Variants in IDH3B observed in about 807,000 individuals in gnomAD.
IDH3B encodes isocitrate dehydrogenase [NAD] subunit beta, mitochondrial.
A neutral mutation model predicts 47.5 loss-of-function variants in IDH3B; 40 were observed. The ratio of observed to expected loss-of-function variants is 0.84; its 90% CI spans 0.65 to 1.10. IDH3B has a LOEUF of 1.10. IDH3B is among the 50% of genes least tolerant of loss of function. The probability of loss-of-function intolerance (pLI) is 0.00; values close to 1 mark genes in which losing one functional copy is unlikely to be tolerated. For missense variants in IDH3B, 450 were observed against 505.2 expected, an observed-to-expected ratio of 0.89 and a Z score of 1.05; for synonymous variants, 185 against 191.0, an observed-to-expected ratio of 0.97 and a Z score of 0.26.
chr20:2,659,527 T>C lies in IDH3B; in HGVS notation c.1069A>G (p.Lys357Glu), dbSNP rs761374122. The change falls in exon 11 of 12, where the codon AAG (lysine) becomes GAG (glutamate). Residue 357 changes from lysine (K) to glutamate (E), a missense_variant and splice_region_variant. By Grantham distance (56) the Lys-to-Glu change is moderately conservative. Transcript: ENST00000380843. ...DAVKKVIKVG[K>E]VRTRDMGGYS... ...CAGCACTACTCTTCTCAACTCACCT[T>C]GCCAACTTTGATCACCTTCTTCACC... 6.2e-7 allele frequency: 1 copy of C among 1,614,140 alleles called. No individual in the cohort carries two copies. Among genetic ancestry groups the C allele is most frequent in the South Asian group, 1.1e-5 (1 of 91,088 alleles).
intron 4 of IDH3B, 76 bp from the exon 5 acceptor site, chr20:2,661,045 C>G: frequency 8.1e-7 from 1 of 1,241,710 alleles, no homozygotes; most frequent in South Asian, 1.2e-5. Context: ...GTCTAACCCC[C>G]TTAGGAACAT....
Position 2,660,557 on chromosome 20 carries a change from C to G in IDH3B, c.565G>C (p.Val189Leu). The change falls in exon 7 of 12, where the codon GTC becomes CTC. Residue 189 changes from valine to leucine, a missense_variant. By Grantham distance (32) the Val-to-Leu change is conservative. Coordinates refer to ENST00000380843, the MANE Select transcript of IDH3B (RefSeq NM_006899.5). The surrounding 1 kb of genome is among the most constrained non-coding windows in gnomAD (Gnocchi z 5.6). ...ARGVIECLKI[V>L]TRAKSQRIAK... ...ATCCGCTGAGACTTGGCTCGTGTGA[C>G]AATCTTCAAACACTCAATCACACCC... 1 of 1,614,162 alleles carries G rather than the reference C, an allele frequency of 6.2e-7. No individual in the cohort carries two copies. The highest frequency in any genetic ancestry group is 8.5e-7 in the Non-Finnish European group (1 of 1,180,040).
chr20:2,663,479 T>A lies in IDH3B; in HGVS notation c.304A>T (p.Ser102Cys). ...ASEEKLEQVL[S>C]SMKENKVAII... The stretch of plus-strand genomic sequence containing the variant: ...GCCACTTTGTTCTCCTTCATGGAAC[T>A]CAGCACCTGCTCCAGCTTCTCCTCA... The change falls in exon 4 of 12, where the codon AGT becomes TGT. Residue 102 changes from serine (S) to cysteine (C), a missense_variant. Coordinates refer to ENST00000380843, the MANE Select transcript of IDH3B (RefSeq NM_006899.5). The A allele has an allele frequency of 6.2e-7, 1 of 1,614,212 alleles. No individual in the cohort carries two copies. The highest frequency in any genetic ancestry group is 8.5e-7 in the Non-Finnish European group (1 of 1,180,026).
intron 4 of IDH3B, 44 bp downstream of exon 4, chr20:2,663,402 G>T: frequency 6.2e-7 from 1 of 1,610,726 alleles, no homozygotes; most frequent in South Asian, 1.1e-5. Context: ...TTGGTCATTT[G>T]ATTTTAAATG....
In IDH3B at chr20:2,659,549, C is replaced by T. The variant is rs75848934; in HGVS notation, c.1047G>A (p.Val349=). Residue 349 remains valine (V), a synonymous_variant, in exon 11 of 12, where the codon GTG becomes GTA. Coordinates refer to ENST00000380843, the MANE Select transcript of IDH3B (RefSeq NM_006899.5). ...CCTTGCCAACTTTGATCACCTTCTT[C>T]ACCGCATCTGCGATCATGCTGGAGT... ...EYHSSMIADA[V]KKVIKVGKVR... 2,217 of 1,614,240 alleles carry T rather than the reference C, an allele frequency of 1.4e-3. 27 individuals carry two copies. In the African/African-American group the frequency reaches 0.026, roughly 19 times the overall value.
In IDH3B at chr20:2,658,929, GA is replaced by G. The variant is rs1440268587; in HGVS notation, c.1072-93del. On this transcript the variant is annotated intron_variant, in intron 11 of 11. Transcript: ENST00000380843. ...ATGTGATTGAGGAAATGGAAGCCAA[GA>G]ATGCGTGACAGCCAGAAAAAAGGCA... 14 of 1,584,072 alleles carry G rather than the reference GA, an allele frequency of 8.8e-6. 1 individual carries two copies. Among genetic ancestry groups the G allele is most frequent in the Non-Finnish European group, 1.0e-5 (12 of 1,167,210 alleles).
chr20:2,658,834 G>T lies in IDH3B; in HGVS notation c.1075C>A (p.Arg359=). The T allele has an allele frequency of 6.2e-7, 1 of 1,614,040 alleles. No homozygotes were observed. The highest frequency in any genetic ancestry group is 8.5e-7 in the Non-Finnish European group (1 of 1,180,028). Residue 359 remains arginine, a synonymous_variant, in exon 12 of 12, where the codon CGG becomes AGG. Transcript: ENST00000380843. ...VKKVIKVGKV[R]TRDMGGYSTT... ...CTGTAGCCGCCCATGTCTCGAGTCC[G>T]CACCTACAGCCACCACCGGCAACAG...
In IDH3B at chr20:2,660,255, G is replaced by C. The variant is rs1227868769; in HGVS notation, c.768+8C>G. Reference sequence around the variant, plus strand: ...CGCCCCATGAGTAGAGATGTGGGGAGGCCTCACCTGCATGCAGCAGTTGTC... The same window carrying C: ...CGCCCCATGAGTAGAGATGTGGGGACGCCTCACCTGCATGCAGCAGTTGTC... On this transcript the variant is annotated splice_region_variant and intron_variant, in intron 8 of 11. Coordinates refer to ENST00000380843, the MANE Select transcript of IDH3B (RefSeq NM_006899.5). The surrounding 1 kb of genome is among the most constrained non-coding windows in gnomAD (Gnocchi z 5.6). The C allele has an allele frequency of 1.2e-6, 2 of 1,614,062 alleles. No individual in the cohort carries two copies. Among genetic ancestry groups the C allele is most frequent in the Admixed American group, 3.3e-5 (2 of 60,016 alleles).
Position 2,660,872 on chromosome 20 carries a change from G to A in IDH3B, c.398+37C>T, listed in dbSNP as rs778391534. ...CATCAGCTCTGCTCCTGGTGCCCTG[G>A]CACCTCTCAACCATTCACCCCACCC... On this transcript the variant is annotated intron_variant, in intron 5 of 11. Coordinates refer to ENST00000380843, the MANE Select transcript of IDH3B (RefSeq NM_006899.5). This position sits in a 1 kb window ranked among gnomAD's most constrained non-coding sequence, Gnocchi z 5.6. 1.4e-5 allele frequency: 22 copies of A among 1,613,994 alleles called. No homozygotes were observed. The highest frequency in any genetic ancestry group is 5.0e-5 in the Admixed American group (3 of 59,996).
chr20:2,659,200 C>A, intron 11 of IDH3B: 1 of 1,321,490 alleles, frequency 7.6e-7, no homozygotes, highest in Non-Finnish European at 9.6e-7. Context: ...GATGCTTCAG[C>A]CTGCCTGTAT....
chr20:2,664,168 G>A lies in IDH3B; in HGVS notation c.21C>T (p.Val7=), dbSNP rs142251401. The A allele has an allele frequency of 2.4e-5, 38 of 1,613,518 alleles. No homozygotes were observed. In the African/African-American group the frequency reaches 4.3e-4, roughly 18 times the overall value. The change falls in exon 1 of 12, where the codon GTC becomes GTT. Residue 7 remains valine (V), a synonymous_variant. Transcript: ENST00000380843. The stretch of plus-strand genomic sequence containing the variant: ...GGGGCCTCACTCGGGTCAGCCAGCG[G>A]ACTCCGCTCAATGCCGCCATGTTTC... MAALSG[V]RWLTRALVSA...
In IDH3B at chr20:2,660,643, C is replaced by T. The variant is rs769457420; in HGVS notation, c.532-53G>A. ...TGACACTGGGAAGGGAAACAAGGAG[C>T]TCCACCTCTCTCCCATCTTCATCCT... On this transcript the variant is annotated intron_variant, in intron 6 of 11. Transcript: ENST00000380843. This position sits in a 1 kb window ranked among gnomAD's most constrained non-coding sequence, Gnocchi z 5.6. 20 of 1,614,060 alleles carry T rather than the reference C, an allele frequency of 1.2e-5. No individual in the cohort carries two copies. Among genetic ancestry groups the T allele is most frequent in the Non-Finnish European group, 2.5e-6 (3 of 1,180,034 alleles).
intron 4 of IDH3B, among the ~76,000 whole-genome samples, chr20:2,661,719 A>G (rs1291942003): frequency 2.0e-5 from 3 of 152,208 alleles, no homozygotes; most frequent in African/African-American, 7.2e-5. Context: ...CAAACGGTAC[A>G]CTGGGAAAGA....
rs781157150 is a variant in IDH3B at position 2,658,788 on chromosome 20, TTGA to T, written c.1118_1120del (p.Ile373del). On this transcript the variant is annotated inframe_deletion, in exon 12 of 12. Transcript: ENST00000380843. ...AGTCTGCAGGTGACCGATGACAGACTTGATGAAGTCGGTTGTGGTGCTGTAGCC... is the reference window on the plus strand; with the variant it reads ...AGTCTGCAGGTGACCGATGACAGACTTGAAGTCGGTTGTGGTGCTGTAGCC... 1.2e-4 allele frequency: 199 copies of T among 1,614,038 alleles called. 2 individuals carry two copies. The highest frequency in any genetic ancestry group is 9.1e-4 in the South Asian group (83 of 91,084).
rs2146306887 is a variant in IDH3B, at chr20:2,659,573, G to A, written c.1023C>T (p.His341=). Reference sequence around the variant, plus strand: ...TCACCGCATCTGCGATCATGCTGGAGTGATACTCAAGACTGTGGATATGGA... The same window carrying A: ...TCACCGCATCTGCGATCATGCTGGAATGATACTCAAGACTGTGGATATGGA... ...NMLRHLNLEY[H]SSMIADAVKK... Residue 341 remains histidine (H), a synonymous_variant, in exon 11 of 12, where the codon CAC becomes CAT. Coordinates refer to ENST00000380843, the MANE Select transcript of IDH3B (RefSeq NM_006899.5). 1.2e-6 allele frequency: 2 copies of A among 1,614,220 alleles called. No individual in the cohort carries two copies. Among genetic ancestry groups the A allele is most frequent in the South Asian group, 2.2e-5 (2 of 91,092 alleles).
chr20:2,659,313 C>G, intron 11 of IDH3B: 1 of 1,517,894 alleles, frequency 6.6e-7, no homozygotes, highest in South Asian at 1.3e-5. Context: ...CAGATGGGAT[C>G]TAAGAGGCAA....
chr20:2,658,776 C>T lies in IDH3B; in HGVS notation c.1133G>A (p.Gly378Asp), dbSNP rs763902412. ...TTTDFIKSVIGHLQTKGS is the reference protein window; with the variant it reads ...TTTDFIKSVIDHLQTKGS Reference sequence around the variant, plus strand: ...CTAGCTCCCTTTAGTCTGCAGGTGACCGATGACAGACTTGATGAAGTCGGT... The same window carrying T: ...CTAGCTCCCTTTAGTCTGCAGGTGATCGATGACAGACTTGATGAAGTCGGT... Residue 378 changes from glycine (G) to aspartate (D), a missense_variant, in exon 12 of 12, where the codon GGT becomes GAT. Physicochemically the swap from Gly to Asp is moderately conservative, Grantham distance 94. Coordinates refer to ENST00000380843, the MANE Select transcript of IDH3B (RefSeq NM_006899.5). 1 of 1,614,166 alleles carries T rather than the reference C, an allele frequency of 6.2e-7. No homozygotes were observed. Among genetic ancestry groups the T allele is most frequent in the Middle Eastern group, 1.7e-4 (1 of 6,060 alleles).
chr20:2,659,610 T>C (rs1309183683), intron 10 of IDH3B, 25 bp from the exon 11 acceptor site: 5 of 1,613,292 alleles, frequency 3.1e-6, no homozygotes, highest in Non-Finnish European at 4.2e-6. Context: ...AGGAAGAAAC[T>C]GTGACTCCCC....
Position 2,658,569 on chromosome 20 carries a change from A to G in IDH3B, c.*182T>C. 6.2e-7 allele frequency: 1 copy of G among 1,612,598 alleles called. No individual in the cohort carries two copies. The highest frequency in any genetic ancestry group is 8.5e-7 in the Non-Finnish European group (1 of 1,179,308). The stretch of plus-strand genomic sequence containing the variant: ...ATCCATGTGGCCTGGGCTCCATCCT[A>G]ACAATCCCCATCACCACCCAACAGT... On this transcript the variant is annotated 3_prime_UTR_variant, in exon 12 of 12. Coordinates refer to ENST00000380843, the MANE Select transcript of IDH3B (RefSeq NM_006899.5).
Sources: gnomAD v4.1 joint callset for allele counts (sites outside exome capture counted in the v4.1 genomes callset) on GRCh38, gnomAD v4.1.1 for gene constraint, Gnocchi (gnomAD v3.1) non-coding constraint, MANE v1.5 for transcripts, NCBI Gene and HGNC (gene_info 2026-07-23, HGNC 2026-07-21) for gene names.